The following DCDC2 variants were observed in gnomAD, a reference collection of about 807,000 sequenced individuals.
DCDC2 encodes the protein doublecortin domain-containing protein 2.
In DCDC2, 40 loss-of-function variants were observed where a neutral mutation model predicts 50.2. The observed-to-expected ratio is 0.80, with a 90% CI of 0.62 to 1.04. The LOEUF is 1.04. DCDC2 is among the 50% of genes least tolerant of loss of function. The probability of loss-of-function intolerance (pLI) is 0.00; values close to 1 mark genes in which losing one functional copy is unlikely to be tolerated. For synonymous variants in DCDC2, 234 were observed against 210.6 expected, an observed-to-expected ratio of 1.11 and a Z score of -0.96; for missense variants, 570 against 581.9, an observed-to-expected ratio of 0.98 and a Z score of 0.21.
chr6:24,306,519 T>TAGAC (rs1581643459), intron 2 of DCDC2, among the ~76,000 whole-genome samples: 1 of 135,630 alleles, frequency 7.4e-6, no homozygotes, highest in East Asian at 2.0e-4. Flanking sequence ...GATAGATAGA[T>TAGAC]AGATAGATAG....
At chr6:24,380,233 A>C in the DCDC2 span, among the ~76,000 whole-genome samples, 1 of 152,282 alleles carries the variant, frequency 6.6e-6, no homozygotes, top group African/African-American at 2.4e-5. Context: ...CAACATATGA[A>C]TGTTGTGGGG....
intron 2 of DCDC2, among the ~76,000 whole-genome samples, chr6:24,321,528 T>C (rs1759773313): frequency 6.6e-6 from 1 of 152,094 alleles, no homozygotes; most frequent in Admixed American, 6.6e-5. Context: ...ATAAGAGATC[T>C]CCCTCCCTTC....
At chr6:24,288,244 C>G (rs765828727) in intron 6 of DCDC2, among the ~76,000 whole-genome samples, 1 of 152,192 alleles carries the variant, frequency 6.6e-6, no homozygotes, top group Non-Finnish European at 1.5e-5. Flanking sequence ...GAAGAACTGC[C>G]AAGGCAACGC....
chr6:24,273,303 G>A (rs1379696122), intron 7 of DCDC2, among the ~76,000 whole-genome samples: 2 of 152,186 alleles, frequency 1.3e-5, no homozygotes, highest in East Asian at 3.9e-4. Flanking sequence ...AGCAGGAAGA[G>A]GTATGAGAAA....
At chr6:24,220,396 AAAAC>A (rs1297808130) in intron 7 of DCDC2, among the ~76,000 whole-genome samples, 2 of 152,216 alleles carry the variant, frequency 1.3e-5, no homozygotes, top group Non-Finnish European at 2.9e-5. Flanking sequence ...CAACAACAAA[AAAAC>A]AAATCCATGA....
intron 7 of DCDC2, among the ~76,000 whole-genome samples, chr6:24,249,556 T>C (rs1762755856): frequency 6.6e-6 from 1 of 152,222 alleles, no homozygotes; most frequent in African/African-American, 2.4e-5. Flanking sequence ...ACAAAACGCC[T>C]ATATTTAGGT....
At chr6:24,239,912 T>C (rs1762530116) in intron 7 of DCDC2, among the ~76,000 whole-genome samples, 1 of 152,184 alleles carries the variant, frequency 6.6e-6, no homozygotes, top group Non-Finnish European at 1.5e-5. Context: ...TGAAAATCAC[T>C]TGGAAGAAAA....
At chr6:24,378,026 C>T in the DCDC2 span, among the ~76,000 whole-genome samples, 50 of 152,322 alleles carry the variant, frequency 3.3e-4, no homozygotes, top group African/African-American at 1.2e-3. Context: ...GTGCCCAGCA[C>T]ATTGTATGCA....
At chr6:24,374,298 T>G in the DCDC2 span, among the ~76,000 whole-genome samples, 1 of 151,362 alleles carries the variant, frequency 6.6e-6, no homozygotes, top group South Asian at 2.1e-4. Flanking sequence ...CCAGGAGAGG[T>G]GGCTCACACC....
intron 2 of DCDC2, among the ~76,000 whole-genome samples, chr6:24,310,091 A>G (rs7770593): frequency 0.59 from 90,000 of 151,828 alleles, 27,869 homozygotes; most frequent in Non-Finnish European, 0.68. Flanking sequence ...AAAATTACAA[A>G]AGAAACATAA....
intron 8 of DCDC2, among the ~76,000 whole-genome samples, chr6:24,198,760 T>C (rs1341997000): frequency 1.3e-5 from 2 of 152,208 alleles, no homozygotes; most frequent in Admixed American, 6.5e-5. Context: ...ATCTACTGGC[T>C]TGAAATTCTC....
chr6:24,233,868 G>A (rs995524600), intron 7 of DCDC2, among the ~76,000 whole-genome samples: 3 of 152,144 alleles, frequency 2.0e-5, no homozygotes, highest in African/African-American at 7.2e-5. Context: ...GAAATGTGAT[G>A]ATTATGTGCA....
chr6:24,256,646 T>C (rs1339262012), intron 7 of DCDC2, among the ~76,000 whole-genome samples: 1 of 152,298 alleles, frequency 6.6e-6, no homozygotes, highest in Non-Finnish European at 1.5e-5. Flanking sequence ...CTAACAATTG[T>C]CCCTTTATAA....
intron 7 of DCDC2, among the ~76,000 whole-genome samples, chr6:24,231,836 G>A (rs1226409285): frequency 6.6e-6 from 1 of 151,822 alleles, no homozygotes; most frequent in Non-Finnish European, 1.5e-5. Flanking sequence ...CCCATGACAA[G>A]AAGCTGCAAA....
intron 2 of DCDC2, among the ~76,000 whole-genome samples, chr6:24,322,654 G>A (rs191059977): frequency 6.6e-5 from 10 of 152,150 alleles, no homozygotes; most frequent in Admixed American, 1.3e-4. Context: ...GTCTTTAACC[G>A]GAACATTCTT....
chr6:24,230,430 G>A (rs911325332), intron 7 of DCDC2, among the ~76,000 whole-genome samples: 21 of 152,032 alleles, frequency 1.4e-4, no homozygotes, highest in East Asian at 5.8e-4. Context: ...TCACTTGAGC[G>A]CAGGAGTTCA....
chr6:24,333,928 G>C (rs766071724), intron 2 of DCDC2, among the ~76,000 whole-genome samples: 33 of 152,148 alleles, frequency 2.2e-4, no homozygotes, highest in Non-Finnish European at 4.0e-4. Flanking sequence ...TAAGCAGTGA[G>C]AATAAGGAAG....
intron 2 of DCDC2, among the ~76,000 whole-genome samples, chr6:24,346,794 G>A (rs1446291381): frequency 6.6e-6 from 1 of 151,980 alleles, no homozygotes; most frequent in African/African-American, 2.4e-5. Context: ...AACTTGTATG[G>A]GTGAGGTATT....
At chr6:24,265,631 T>C (rs77737717) in intron 7 of DCDC2, among the ~76,000 whole-genome samples, 5,500 of 152,128 alleles carry the variant, frequency 0.036, 219 homozygotes, top group African/African-American at 0.1. Context: ...TACAAGTACA[T>C]GGAAACTAAA....
Sources: allele counts gnomAD v4.1 joint callset (sites outside exome capture counted in the v4.1 genomes callset), GRCh38; gene constraint gnomAD v4.1.1; transcripts MANE v1.5; gene names NCBI Gene and HGNC (gene_info 2026-07-23, HGNC 2026-07-21).